Variants in TNS1 observed in about 807,000 individuals in gnomAD.
TNS1 encodes tensin-1.
TNS1 carries 62 observed loss-of-function variants against 168.6 expected under a neutral mutation model. The observed-to-expected ratio is 0.37, with a 90% CI of 0.30 to 0.45. TNS1 has a LOEUF of 0.45. Ranked by LOEUF, TNS1 falls within the 20% of genes least tolerant of loss-of-function variation. The pLI is 1.00. For missense variants in TNS1, 2,240 were observed against 2,339.4 expected (o/e 0.96, Z 0.88); for synonymous variants, 934 against 933.2 (o/e 1.00, Z -0.02).
intron 3 of TNS1, among the ~76,000 whole-genome samples, chr2:217,924,477 T>A (rs1219388195): frequency 1.3e-5 from 2 of 152,226 alleles, no homozygotes; most frequent in Non-Finnish European, 2.9e-5. Flanking sequence ...AGGAAGCACA[T>A]CTTATCCGTC....
At chr2:217,919,414 G>A (rs1180287198) in intron 4 of TNS1, among the ~76,000 whole-genome samples, 1 of 152,220 alleles carries the variant, frequency 6.6e-6, no homozygotes, top group African/African-American at 2.4e-5. Context: ...GTGTCCTTCC[G>A]GGACACACCC....
intron 3 of TNS1, among the ~76,000 whole-genome samples, chr2:217,956,862 C>T (rs369753506): frequency 3.3e-5 from 5 of 152,074 alleles, no homozygotes; most frequent in African/African-American, 9.7e-5. Flanking sequence ...TCCTGGAAGA[C>T]AATAAGACCA....
At position 217,880,701 on chromosome 2, in the gene TNS1, C is replaced by A. The variant is rs1375562042; in HGVS notation, c.1429+197G>T. On this transcript the variant is annotated intron_variant, in intron 18 of 32. Coordinates refer to ENST00000682258, the MANE Select transcript of TNS1 (RefSeq NM_001387777.1). The surrounding 1 kb of genome is among the most constrained non-coding windows in gnomAD (Gnocchi z 4.2). ...ATTTTGCTGCCTTCTTTGGCTCTGT[C>A]CTCACTTTTATTTAATACATTCATA... Among the ~76,000 whole-genome samples the A allele has an allele frequency of 1.3e-5, 2 of 152,120 alleles. No homozygotes were observed. Among genetic ancestry groups the A allele is most frequent in the Non-Finnish European group, 2.9e-5 (2 of 68,008 alleles).
chr2:217,938,579 G>C (rs1391597810), intron 3 of TNS1, among the ~76,000 whole-genome samples: 1 of 152,208 alleles, frequency 6.6e-6, no homozygotes, highest in Admixed American at 6.5e-5. Context: ...AGTTATTTGG[G>C]GATCCTACTT....
At chr2:217,945,727 C>A (rs1171610383) in intron 3 of TNS1, among the ~76,000 whole-genome samples, 1 of 152,178 alleles carries the variant, frequency 6.6e-6, no homozygotes, top group African/African-American at 2.4e-5. Flanking sequence ...GGCCCAGCCT[C>A]AAACCAAGTC....
chr2:217,821,927 A>C lies in TNS1; in HGVS notation c.3385T>G (p.Tyr1129Asp), dbSNP rs1033797817. The change falls in exon 23 of 33, where the codon TAT becomes GAT. Residue 1129 changes from tyrosine to aspartate, a missense_variant. By Grantham distance (160) the Tyr-to-Asp change is radical. Transcript: ENST00000682258. ...LLHPTGEPRS[Y>D]VESVARTAVA... ...GCTGTCCGTGCCACAGACTCCACATAGCTCCGGGGCTCTGGAAGGGGCAAG... is the reference window on the plus strand; with the variant it reads ...GCTGTCCGTGCCACAGACTCCACATCGCTCCGGGGCTCTGGAAGGGGCAAG... The C allele has an allele frequency of 3.2e-6, 5 of 1,586,738 alleles. No individual in the cohort carries two copies. Among genetic ancestry groups the C allele is most frequent in the Non-Finnish European group, 4.3e-6 (5 of 1,166,788 alleles).
At chr2:217,828,071 T>C (rs1369883692) in intron 22 of TNS1, among the ~76,000 whole-genome samples, 1 of 152,210 alleles carries the variant, frequency 6.6e-6, no homozygotes, top group African/African-American at 2.4e-5. Context: ...CAGCTAATTC[T>C]AGACTCTCTC....
intron 21 of TNS1, among the ~76,000 whole-genome samples, chr2:217,833,791 A>C (rs1026425156): frequency 2.6e-5 from 4 of 152,266 alleles, no homozygotes; most frequent in Non-Finnish European, 5.9e-5. Flanking sequence ...AAAGTATGAA[A>C]AAGAACACAA....
chr2:217,919,656 C>T (rs1955516538), intron 4 of TNS1, among the ~76,000 whole-genome samples: 1 of 152,224 alleles, frequency 6.6e-6, no homozygotes. Context: ...GGATCCCACC[C>T]CAGTCCAGGC....
At chr2:217,979,300 C>T (rs1957979638) in intron 2 of TNS1, among the ~76,000 whole-genome samples, 1 of 152,090 alleles carries the variant, frequency 6.6e-6, no homozygotes. Flanking sequence ...ACACATTACA[C>T]CCACACCCAC....
Position 217,848,848 on chromosome 2 carries a change from A to C in TNS1, c.1669T>G (p.Leu557Val). Residue 557 changes from leucine to valine, a missense_variant, in exon 19 of 33, where the codon TTG becomes GTG. Coordinates refer to ENST00000682258, the MANE Select transcript of TNS1 (RefSeq NM_001387777.1). ...AGCTCCCGCTTCTCCTGGGGACTCA[A>C]GGCAGCAGTGGCACTGGAGGCCCCG... ...VPGASSATAALSPQEKRELDR... is the reference protein window; with the variant it reads ...VPGASSATAAVSPQEKRELDR... 1 of 1,613,936 alleles carries C rather than the reference A, an allele frequency of 6.2e-7. No homozygotes were observed. Among genetic ancestry groups the C allele is most frequent in the East Asian group, 2.2e-5 (1 of 44,848 alleles).
At chr2:217,904,590 T>C (rs1953432859) in intron 6 of TNS1, among the ~76,000 whole-genome samples, 1 of 152,114 alleles carries the variant, frequency 6.6e-6, no homozygotes, top group African/African-American at 2.4e-5. Context: ...GACAGCACAC[T>C]TACCCACCCC....
At chr2:217,996,128 C>G (rs1477739851) in intron 1 of TNS1, among the ~76,000 whole-genome samples, 1 of 152,120 alleles carries the variant, frequency 6.6e-6, no homozygotes, top group African/African-American at 2.4e-5. Context: ...GGTGATAGAC[C>G]CCGGGGTCCC....
intron 3 of TNS1, among the ~76,000 whole-genome samples, chr2:217,956,555 T>C (rs2059738): frequency 0.25 from 38,142 of 152,036 alleles, 7,246 homozygotes; most frequent in African/African-American, 0.53. Flanking sequence ...CTGGTGGTCC[T>C]AGAGAACAGC....
intron 3 of TNS1, among the ~76,000 whole-genome samples, chr2:217,943,602 C>T (rs529169089): frequency 2.0e-5 from 3 of 152,154 alleles, no homozygotes; most frequent in Non-Finnish European, 4.4e-5. Flanking sequence ...AGGGACAAGC[C>T]GCACCCCAGA....
chr2:217,844,910 A>T (rs60137187), intron 19 of TNS1, among the ~76,000 whole-genome samples: 3,446 of 152,240 alleles, frequency 0.023, 123 homozygotes, highest in African/African-American at 0.079. Flanking sequence ...TTCTTGTCTT[A>T]TTGCACTGGC....
At chr2:217,959,107 G>A (rs1174603291) in intron 3 of TNS1, among the ~76,000 whole-genome samples, 1 of 152,210 alleles carries the variant, frequency 6.6e-6, no homozygotes, top group Non-Finnish European at 1.5e-5. Context: ...GGCAGCCCAG[G>A]AGTCCTGGTT....
chr2:217,977,982 C>G (rs1170836283), intron 3 of TNS1, among the ~76,000 whole-genome samples: 1 of 152,168 alleles, frequency 6.6e-6, no homozygotes, highest in African/African-American at 2.4e-5. Context: ...GCCCATTGGA[C>G]AGAACCATTT....
chr2:217,937,643 T>C (rs1198067367), intron 3 of TNS1, among the ~76,000 whole-genome samples: 1 of 152,098 alleles, frequency 6.6e-6, no homozygotes, highest in Non-Finnish European at 1.5e-5. Context: ...TTCCACAGCG[T>C]TGGGACTGGG....
Sources: gnomAD v4.1 joint callset for allele counts (sites outside exome capture counted in the v4.1 genomes callset) on GRCh38, gnomAD v4.1.1 for gene constraint, Gnocchi (gnomAD v3.1) non-coding constraint, MANE v1.5 for transcripts, NCBI Gene and HGNC (gene_info 2026-07-23, HGNC 2026-07-21) for gene names.